Variants in PCDHA3 observed in about 807,000 individuals in gnomAD.
PCDHA3 encodes the protein protocadherin alpha-3.
Under a neutral mutation model 62.2 loss-of-function variants are expected in PCDHA3, and 41 were observed. The ratio of observed to expected loss-of-function variants is 0.66; its 90% CI spans 0.51 to 0.86. PCDHA3 has a LOEUF of 0.86. Among genes scored for constraint, PCDHA3 ranks in the 40% least tolerant of loss-of-function variants. The pLI is 0.00. For synonymous variants in PCDHA3, 640 were observed against 555.4 expected (o/e 1.15, Z -2.14); for missense variants, 1,304 against 1,241.2 (o/e 1.05, Z -0.76).
rs781960813 is a variant in PCDHA3 at position 140,883,266 on chromosome 5, A to C, written c.2394+79675A>C. On this transcript the variant is annotated intron_variant, in intron 1 of 3. Transcript: ENST00000522353. ...AAAGGAAATATTCCAATGGCGGGTCATTGTACCCTTTTGGTGGAAGTACTA... is the reference window on the plus strand; with the variant it reads ...AAAGGAAATATTCCAATGGCGGGTCCTTGTACCCTTTTGGTGGAAGTACTA... 2.7e-5 allele frequency: 43 copies of C among 1,614,082 alleles called. No individual in the cohort carries two copies. In the African/African-American group the frequency reaches 4.7e-4, roughly 18 times the overall value.
intron 1 of PCDHA3, chr5:140,881,246 G>A (rs1006093115): frequency 4.8e-6 from 2 of 415,054 alleles, no homozygotes; most frequent in Non-Finnish European, 6.5e-6. Flanking sequence ...TTAAATGACG[G>A]CAAGGTTTTA....
chr5:141,005,701 C>CAAAAAAAA (rs59860837), intron 3 of PCDHA3, among the ~76,000 whole-genome samples: 3 of 7,792 alleles, frequency 3.9e-4, no homozygotes, highest in East Asian at 6.4e-3. Flanking sequence ...AACTCCGTCT[C>CAAAAAAAA]AAAAAAAAAA....
At chr5:140,970,384 C>T (rs2096401322) in intron 1 of PCDHA3, among the ~76,000 whole-genome samples, 1 of 152,104 alleles carries the variant, frequency 6.6e-6, no homozygotes, top group Admixed American at 6.5e-5. Flanking sequence ...AAAAGGCTGG[C>T]TTGGAAAGTG....
chr5:140,925,108 G>GGGAA (rs1299910272), intron 1 of PCDHA3, among the ~76,000 whole-genome samples: 1 of 124,780 alleles, frequency 8.0e-6, no homozygotes, highest in East Asian at 2.1e-4. Flanking sequence ...GAAGGAAGGA[G>GGGAA]GGAAGGAAGG....
At position 140,841,443 on chromosome 5, in the gene PCDHA3, A is replaced by G. The variant is rs2150315650; in HGVS notation, c.2394+37852A>G. 1.2e-6 allele frequency: 2 copies of G among 1,612,892 alleles called. 1 individual carries two copies. Among genetic ancestry groups the G allele is most frequent in the Non-Finnish European group, 1.7e-6 (2 of 1,179,848 alleles). On this transcript the variant is annotated intron_variant, in intron 1 of 3. Transcript: ENST00000522353. ...TACTCCGTCCCCGAGGAGGCCAAAC[A>G]CGGCACCTTCGTGGGCCGGATCGCG...
chr5:140,829,433 A>G lies in PCDHA3; in HGVS notation c.2394+25842A>G, dbSNP rs2150167809. ...CAGCTTGTCTGTGGAGGTGGCCGAC[A>G]TGAATGACAATGCTCCGGCGTTCGC... On this transcript the variant is annotated intron_variant, in intron 1 of 3. Transcript: ENST00000522353. The G allele has an allele frequency of 1.2e-4, 193 of 1,613,948 alleles. No homozygotes were observed. Among genetic ancestry groups the G allele is most frequent in the African/African-American group, 7.6e-4 (57 of 75,048 alleles).
intron 1 of PCDHA3, among the ~76,000 whole-genome samples, chr5:140,826,903 G>C (rs1769108708): frequency 6.6e-6 from 1 of 152,118 alleles, no homozygotes; most frequent in Non-Finnish European, 1.5e-5. Flanking sequence ...AGATAAATAT[G>C]ATAGCATGTG....
At chr5:140,807,332 G>A (rs782649273) in intron 1 of PCDHA3, 3 of 1,613,598 alleles carry the variant, frequency 1.9e-6, no homozygotes, top group Admixed American at 3.3e-5. Context: ...GGGCCGCATC[G>A]CGCAGGACCT....
intron 1 of PCDHA3, chr5:140,812,200 G>T (rs1765059673): frequency 6.6e-6 from 1 of 151,378 alleles, no homozygotes; most frequent in South Asian, 2.1e-4. Flanking sequence ...CTCCTTACTA[G>T]TTACAGCTTT....
rs149764673 is a variant in PCDHA3 at position 140,835,585 on chromosome 5, T to A, written c.2394+31994T>A. 1.9e-6 allele frequency: 3 copies of A among 1,613,790 alleles called. No individual in the cohort carries two copies. The highest frequency in any genetic ancestry group is 1.3e-5 in the African/African-American group (1 of 74,926). On this transcript the variant is annotated intron_variant, in intron 1 of 3. Transcript: ENST00000522353. ...GTTCCCTTCAAGTTGGTGTCCACCT[T>A]CAAGAATTACTATTCATTGGTGCTG...
At chr5:140,865,006 T>C (rs1171249709) in intron 1 of PCDHA3, 2 of 152,174 alleles carry the variant, frequency 1.3e-5, no homozygotes, top group Non-Finnish European at 2.9e-5. Context: ...GAGACCAGCC[T>C]CGGCAACATA....
rs377697994 is a variant in PCDHA3, at chr5:140,808,073, G to A, written c.2394+4482G>A. ...AAATGTGAAATCCAAGTTTCACATA[G>A]ATCCAATTACTGGACAAATTATTGT... On this transcript the variant is annotated intron_variant, in intron 1 of 3. Coordinates refer to ENST00000522353, the MANE Select transcript of PCDHA3 (RefSeq NM_018906.3). The A allele has an allele frequency of 5.0e-6, 8 of 1,613,782 alleles. No individual in the cohort carries two copies. The African/African-American group carries it at 1.1e-4, about 22-fold the overall frequency.
At chr5:140,866,469 C>CG (rs2049380122) in intron 1 of PCDHA3, 2 of 152,080 alleles carry the variant, frequency 1.3e-5, no homozygotes, top group Non-Finnish European at 2.9e-5. Context: ...AAGCTCATAA[C>CG]AACTGACAAA....
chr5:140,841,085 A>G, intron 1 of PCDHA3: 1 of 553,322 alleles, frequency 1.8e-6, no homozygotes. Context: ...AAGTGCATAG[A>G]AGAACCCAGA....
intron 1 of PCDHA3, among the ~76,000 whole-genome samples, chr5:140,933,324 G>A (rs563163291): frequency 5.3e-5 from 8 of 151,904 alleles, no homozygotes; most frequent in Non-Finnish European, 1.2e-4. Context: ...GTATTCTCCT[G>A]TGCTGTAGAG....
intron 1 of PCDHA3, chr5:140,853,562 C>G (rs902693862): frequency 1.0e-6 from 1 of 981,152 alleles, no homozygotes; most frequent in South Asian, 4.8e-5. Flanking sequence ...ATAGGAAAAA[C>G]TAAGTTGTCA....
At chr5:140,856,326 A>G in intron 1 of PCDHA3, 1 of 1,598,548 alleles carries the variant, frequency 6.3e-7, no homozygotes, top group Non-Finnish European at 8.6e-7. Context: ...GACCGCGAGG[A>G]GCTGTGCGGG....
chr5:140,847,746 C>A (rs145193370), intron 1 of PCDHA3: 2 of 149,840 alleles, frequency 1.3e-5, no homozygotes, highest in Non-Finnish European at 3.0e-5. Context: ...TTTCTCCCCA[C>A]GCAACACAAG....
chr5:140,877,070 T>A (rs2056830444), intron 1 of PCDHA3: 4 of 1,613,050 alleles, frequency 2.5e-6, no homozygotes, highest in Non-Finnish European at 3.4e-6. Flanking sequence ...CTGCTGCAGT[T>A]CCAGGTGAGC....
Sources: gnomAD v4.1 joint callset for allele counts (sites outside exome capture counted in the v4.1 genomes callset) on GRCh38, gnomAD v4.1.1 for gene constraint, MANE v1.5 for transcripts, NCBI Gene and HGNC (gene_info 2026-07-23, HGNC 2026-07-21) for gene names.